Variants in PLEKHS1 observed in about 807,000 individuals in gnomAD.
The protein encoded by PLEKHS1 is pleckstrin homology domain containing S1.
In PLEKHS1, 55 loss-of-function variants were observed where a neutral mutation model predicts 51.0. The observed-to-expected ratio is 1.08, with a 90% CI of 0.87 to 1.35. The LOEUF (loss-of-function observed/expected upper bound fraction) is 1.35, where lower values mean the gene tolerates loss of function less well. PLEKHS1 is among the 40% of genes most tolerant of loss of function. The probability of loss-of-function intolerance (pLI) is 0.00; values close to 1 mark genes in which losing one functional copy is unlikely to be tolerated. For missense variants in PLEKHS1, 398 were observed against 423.0 expected, an observed-to-expected ratio of 0.94 and a Z score of 0.52; for synonymous variants, 153 against 144.8, an observed-to-expected ratio of 1.06 and a Z score of -0.41.
At chr10:113,780,065 C>G (rs1253137775) in intron 11 of PLEKHS1, among the ~76,000 whole-genome samples, 2 of 151,820 alleles carry the variant, frequency 1.3e-5, no homozygotes, top group African/African-American at 4.8e-5. Context: ...TTTAAAGTGC[C>G]TGAGCCAATC....
In PLEKHS1 at chr10:113,780,573, A is replaced by G; in HGVS notation, c.*-29A>G. On this transcript the variant is annotated intron_variant, in intron 11 of 11. Coordinates refer to ENST00000361048, the Ensembl canonical transcript of PLEKHS1. ...ACAATCTTAAAGATAATCTTTAGCC[A>G]TTTAACTTTCTTCTTTCTTGTGTTT... 1.9e-6 allele frequency: 3 copies of G among 1,593,464 alleles called. No individual in the cohort carries two copies. The African/African-American group carries it at 4.0e-5, about 21-fold the overall frequency.
chr10:113,772,073 G>T (rs267602368), exon 8 of PLEKHS1: 1 of 1,612,346 alleles, frequency 6.2e-7, no homozygotes, highest in Non-Finnish European at 8.5e-7. Context: ...CTTACTCCTC[G>T]AAGTGTTCTT....
intron 11 of PLEKHS1, chr10:113,777,903 T>C: frequency 1.5e-6 from 1 of 654,448 alleles, no homozygotes; most frequent in Non-Finnish European, 2.3e-6. Flanking sequence ...GGCAGGAGAA[T>C]CAATTGAGCC....
intron 6 of PLEKHS1, 23 bp from the exon 7 acceptor site, chr10:113,769,760 AC>A: frequency 6.7e-7 from 1 of 1,482,874 alleles, no homozygotes; most frequent in South Asian, 1.1e-5. Context: ...CTGTGCCCTG[AC>A]TGATTCCTTT....
chr10:113,774,539 C>A (rs930339271), intron 9 of PLEKHS1, among the ~76,000 whole-genome samples: 4 of 152,174 alleles, frequency 2.6e-5, no homozygotes. Flanking sequence ...TCCTCAGGAC[C>A]TTTTCCGTCT....
intron 5 of PLEKHS1, among the ~76,000 whole-genome samples, 164 bp from the exon 6 acceptor site, chr10:113,768,651 T>C (rs1427825516): frequency 6.6e-6 from 1 of 152,224 alleles, no homozygotes; most frequent in African/African-American, 2.4e-5. Flanking sequence ...AATTCTAGTG[T>C]GCAAATGTGG....
At chr10:113,763,039 G>T (rs1844012722) in intron 2 of PLEKHS1, among the ~76,000 whole-genome samples, 1 of 151,940 alleles carries the variant, frequency 6.6e-6, no homozygotes, top group Non-Finnish European at 1.5e-5. Context: ...CTTGAGAGAG[G>T]GATATTGAAA....
chr10:113,757,444 T>G (rs1262380050), intron 2 of PLEKHS1, among the ~76,000 whole-genome samples: 1 of 152,236 alleles, frequency 6.6e-6, no homozygotes, highest in Non-Finnish European at 1.5e-5. Context: ...TACACTATAC[T>G]GTAGTCGAGT....
exon 10 of PLEKHS1, chr10:113,775,008 C>T: frequency 6.2e-7 from 1 of 1,614,134 alleles, no homozygotes; most frequent in Non-Finnish European, 8.5e-7. Context: ...GCCTCACTAA[C>T]TGTTGTGCAA....
intron 2 of PLEKHS1, among the ~76,000 whole-genome samples, chr10:113,756,396 G>T (rs903217473): frequency 5.9e-5 from 9 of 152,270 alleles, no homozygotes; most frequent in Non-Finnish European, 1.0e-4. Flanking sequence ...GGGAGGCAGA[G>T]GTTGCAGAGA....
chr10:113,765,958 G>A (rs1433415005), intron 2 of PLEKHS1, among the ~76,000 whole-genome samples: 1 of 152,222 alleles, frequency 6.6e-6, no homozygotes, highest in Non-Finnish European at 1.5e-5. Flanking sequence ...GGAGGTGGCT[G>A]TGTTTACCTT....
chr10:113,757,418 C>A (rs1854173141), intron 2 of PLEKHS1, among the ~76,000 whole-genome samples: 1 of 152,136 alleles, frequency 6.6e-6, no homozygotes, highest in Admixed American at 6.5e-5. Flanking sequence ...TTATTGGATT[C>A]CATAAAAGCT....
chr10:113,768,785 T>G, intron 5 of PLEKHS1, 30 bp from the exon 6 acceptor site: 1 of 1,578,872 alleles, frequency 6.3e-7, no homozygotes, highest in Non-Finnish European at 8.7e-7. Context: ...TGTTGCCACA[T>G]GCCAACTGAA....
In PLEKHS1 at chr10:113,766,513, G is replaced by A; in HGVS notation, c.117+14G>A. 6.3e-7 allele frequency: 1 copy of A among 1,592,522 alleles called. No homozygotes were observed. The highest frequency in any genetic ancestry group is 8.6e-7 in the Non-Finnish European group (1 of 1,161,864). On this transcript the variant is annotated intron_variant, in intron 3 of 11. Coordinates refer to ENST00000361048, the Ensembl canonical transcript of PLEKHS1. The stretch of plus-strand genomic sequence containing the variant: ...TTCTCCTCTGTGGTAAGTATTTGCT[G>A]TGATTTAACAAGCCTCCCACCAGCC...
intron 2 of PLEKHS1, among the ~76,000 whole-genome samples, chr10:113,759,625 T>C (rs1843827085): frequency 6.6e-6 from 1 of 152,198 alleles, no homozygotes; most frequent in African/African-American, 2.4e-5. Flanking sequence ...AAATAGTTCA[T>C]TTTTTTGATG....
chr10:113,760,225 G>A (rs1051910835), intron 2 of PLEKHS1, among the ~76,000 whole-genome samples: 5 of 152,108 alleles, frequency 3.3e-5, no homozygotes, highest in African/African-American at 1.2e-4. Flanking sequence ...GTATTCCATT[G>A]TATAGATGTA....
intron 1 of PLEKHS1, among the ~76,000 whole-genome samples, chr10:113,754,563 C>T (rs1360605272): frequency 1.3e-5 from 2 of 152,090 alleles, no homozygotes; most frequent in East Asian, 3.9e-4. Flanking sequence ...ACCTCCGCCT[C>T]CCGGGTTCAA....
chr10:113,773,879 C>T (rs1216981938), intron 8 of PLEKHS1, among the ~76,000 whole-genome samples: 1 of 152,148 alleles, frequency 6.6e-6, no homozygotes, highest in Non-Finnish European at 1.5e-5. Context: ...TTTGTCCCAG[C>T]CAAGTGCCAT....
At chr10:113,766,628 G>T in exon 4 of PLEKHS1, 2 of 1,608,872 alleles carry the variant, frequency 1.2e-6, no homozygotes, top group Non-Finnish European at 1.7e-6. Context: ...TGGAAAAAGC[G>T]GTTTTTCATC....
Sources: gnomAD v4.1 joint callset for allele counts (sites outside exome capture counted in the v4.1 genomes callset) on GRCh38, gnomAD v4.1.1 for gene constraint, MANE v1.5 for transcripts, NCBI Gene and HGNC (gene_info 2026-07-23, HGNC 2026-07-21) for gene names.